The following CDC123 variants were observed in gnomAD, a reference collection of about 807,000 sequenced individuals.
The protein encoded by CDC123 is cell division cycle 123.
In CDC123, 37 loss-of-function variants were observed where a neutral mutation model predicts 54.4. The observed-to-expected ratio is 0.68, with a 90% CI of 0.52 to 0.89. The LOEUF (loss-of-function observed/expected upper bound fraction) is 0.89, where lower values mean the gene tolerates loss of function less well. CDC123 is among the 40% of genes least tolerant of loss of function. The pLI, the probability that CDC123 is intolerant of heterozygous loss-of-function variation, is 0.00. For synonymous variants in CDC123, 144 were observed against 136.8 expected, an observed-to-expected ratio of 1.05 and a Z score of -0.37; for missense variants, 361 against 412.1, an observed-to-expected ratio of 0.88 and a Z score of 1.07.
intron 10 of CDC123, chr10:12,245,338 C>T (rs1176313951): frequency 1.3e-5 from 2 of 152,074 alleles, no homozygotes; most frequent in East Asian, 3.9e-4. Flanking sequence ...TCACAGTAGC[C>T]TTGACCTCCT....
At position 12,235,219 on chromosome 10, in the gene CDC123, G is replaced by C. The variant is rs1334877455; in HGVS notation, c.565+96G>C. On this transcript the variant is annotated intron_variant, in intron 8 of 12. Transcript: ENST00000281141. Reference sequence around the variant, plus strand: ...AGTAAATTTCCAGTAATTAGGACAGGGATGTCAATCTGTTTTCATCTCAGA... The same window carrying C: ...AGTAAATTTCCAGTAATTAGGACAGCGATGTCAATCTGTTTTCATCTCAGA... The C allele has an allele frequency of 4.9e-6, 5 of 1,012,356 alleles. No homozygotes were observed. In the East Asian group the frequency reaches 9.5e-5, roughly 19 times the overall value. The allele number at this position is 1,012,356 out of a possible 1,614,324, so 62.7% of individuals were successfully genotyped here. A position where few individuals can be genotyped will look rare whatever the true frequency, so the allele number is the denominator to read the frequency against.
At chr10:12,216,825 TTGTTCTTA>T (rs1263904999) in intron 5 of CDC123, among the ~76,000 whole-genome samples, 2 of 152,212 alleles carry the variant, frequency 1.3e-5, no homozygotes, top group African/African-American at 4.8e-5. Context: ...TTCCCATCTT[TTGTTCTTA>T]TGTATGAGAC....
Position 12,196,334 on chromosome 10 carries a change from G to C in CDC123, c.74+15G>C. 6.3e-7 allele frequency: 1 copy of C among 1,596,584 alleles called. No homozygotes were observed. Among genetic ancestry groups the C allele is most frequent in the Non-Finnish European group, 8.6e-7 (1 of 1,168,066 alleles). On this transcript the variant is annotated intron_variant, in intron 1 of 12. Transcript: ENST00000281141. ...ACCATCAAGAGGTGAGATGGGAGGG[G>C]GTTCGCCCGGTCGACCGGCAAAAGG...
intron 11 of CDC123, 31 bp from the exon 12 acceptor site, chr10:12,249,550 A>G (rs1347906554): frequency 3.1e-6 from 5 of 1,596,988 alleles, no homozygotes; most frequent in Non-Finnish European, 4.3e-6. Context: ...TAAATGATTG[A>G]TATTCTTTCT....
chr10:12,199,966 C>T (rs1209311213), intron 2 of CDC123, among the ~76,000 whole-genome samples: 2 of 151,052 alleles, frequency 1.3e-5, no homozygotes, highest in Admixed American at 6.6e-5. Flanking sequence ...GGACTACAGG[C>T]GCCCACCACC....
chr10:12,223,944 A>G (rs556587336), intron 6 of CDC123, among the ~76,000 whole-genome samples: 130 of 151,832 alleles, frequency 8.6e-4, no homozygotes, highest in South Asian at 1.7e-3. Context: ...GTGATTTCTG[A>G]GCTTTTGGTG....
At chr10:12,218,490 T>G (rs923077035) in intron 6 of CDC123, among the ~76,000 whole-genome samples, 5 of 152,152 alleles carry the variant, frequency 3.3e-5, no homozygotes, top group Non-Finnish European at 2.9e-5. Context: ...CTGCCTGCCT[T>G]GGCCTCCCAA....
intron 2 of CDC123, among the ~76,000 whole-genome samples, chr10:12,204,548 A>G (rs1434035037): frequency 6.6e-6 from 1 of 152,202 alleles, no homozygotes; most frequent in East Asian, 1.9e-4. Context: ...GTTTTGATCC[A>G]GGAATGCAAT....
chr10:12,241,796 T>G (rs1469074110), intron 10 of CDC123, among the ~76,000 whole-genome samples: 3 of 152,216 alleles, frequency 2.0e-5, no homozygotes, highest in Non-Finnish European at 4.4e-5. Flanking sequence ...GAACAGTCAT[T>G]GTGTCCTGCC....
chr10:12,232,169 G>A (rs1274880683), intron 7 of CDC123, among the ~76,000 whole-genome samples: 1 of 151,922 alleles, frequency 6.6e-6, no homozygotes, highest in Non-Finnish European at 1.5e-5. Flanking sequence ...CAGACTCCAC[G>A]TTTCAACTCC....
intron 2 of CDC123, among the ~76,000 whole-genome samples, chr10:12,208,568 A>G (rs1401163540): frequency 6.6e-6 from 1 of 152,208 alleles, no homozygotes; most frequent in Non-Finnish European, 1.5e-5. Flanking sequence ...TGGGGATTTT[A>G]TAAGATGGTA....
chr10:12,217,888 G>A (rs184878822), intron 6 of CDC123, among the ~76,000 whole-genome samples: 209 of 152,194 alleles, frequency 1.4e-3, no homozygotes, highest in African/African-American at 4.8e-3. Flanking sequence ...AGGAGTTCAA[G>A]ACCAGCCTGG....
At chr10:12,225,087 C>T (rs10906102) in intron 6 of CDC123, among the ~76,000 whole-genome samples, 123,937 of 152,164 alleles carry the variant, frequency 0.81, 53,830 homozygotes, top group Non-Finnish European at 0.98. Context: ...GCAGCTACTC[C>T]TCAGAATAAT....
intron 2 of CDC123, among the ~76,000 whole-genome samples, chr10:12,201,589 A>G (rs1310070568): frequency 6.6e-6 from 1 of 151,796 alleles, no homozygotes; most frequent in Non-Finnish European, 1.5e-5. Context: ...TAGCTAGAGT[A>G]TGGGGAGTGA....
Position 12,228,394 on chromosome 10 carries a change from A to C in CDC123, c.441-2554A>C, listed in dbSNP as rs187242516. ...AGAGATTTTTGCTTTACAGAGAAAA[A>C]CTAGGTTGTTTTTAGTTTTTTTTTT... On this transcript the variant is annotated intron_variant, in intron 6 of 12. Transcript: ENST00000281141. Among the ~76,000 whole-genome samples the C allele has an allele frequency of 7.4e-4, 106 of 143,152 alleles. 1 individual carries two copies. In the Middle Eastern group the frequency reaches 0.014, roughly 19 times the overall value. The allele number at this position is 143,152 out of a possible 152,430, so 93.9% of individuals were successfully genotyped here. A position where few individuals can be genotyped will look rare whatever the true frequency, so the allele number is the denominator to read the frequency against.
At chr10:12,218,074 G>C (rs1456922808) in intron 6 of CDC123, among the ~76,000 whole-genome samples, 1 of 151,926 alleles carries the variant, frequency 6.6e-6, no homozygotes, top group African/African-American at 2.4e-5. Flanking sequence ...CTGGGCGACA[G>C]AGCGAGACTC....
rs369572807 is a variant in CDC123, at chr10:12,209,859, T to C, written c.147-108T>C. 3.7e-5 allele frequency: 39 copies of C among 1,058,040 alleles called. 1 individual carries two copies. The highest frequency in any genetic ancestry group is 3.0e-4 in the East Asian group (12 of 40,456). The allele number at this position is 1,058,040 out of a possible 1,614,324, so 65.5% of individuals were successfully genotyped here. A position where few individuals can be genotyped will look rare whatever the true frequency, so the allele number is the denominator to read the frequency against. On this transcript the variant is annotated intron_variant, in intron 2 of 12. Transcript: ENST00000281141. ...GATTACAGGTGTGAGCCACCACACC[T>C]AGCCTAATTTTAAGGCTATTTAAAA...
chr10:12,248,881 A>T (rs529045029), intron 11 of CDC123, among the ~76,000 whole-genome samples: 29 of 151,952 alleles, frequency 1.9e-4, no homozygotes, highest in East Asian at 1.9e-4. Context: ...AGGCCGAGGC[A>T]GGCAGATCAC....
rs148743044 is a variant in CDC123 at position 12,248,757 on chromosome 10, G to C, written c.847-824G>C. Among the ~76,000 whole-genome samples, 8 of 151,218 alleles carry C rather than the reference G, an allele frequency of 5.3e-5. No homozygotes were observed. The East Asian group carries it at 1.6e-3, about 30-fold the overall frequency. On this transcript the variant is annotated intron_variant, in intron 11 of 12. Transcript: ENST00000281141. ...GGAGGTGGAGGTTGCGATGAGCTGA[G>C]ATTGCTCCATTGCATCCAGCCTGGG... is the stretch of plus-strand genomic sequence containing the variant.
Sources: allele counts gnomAD v4.1 joint callset (sites outside exome capture counted in the v4.1 genomes callset), GRCh38; gene constraint gnomAD v4.1.1; transcripts MANE v1.5; gene names NCBI Gene and HGNC (gene_info 2026-07-23, HGNC 2026-07-21).